PPP1R16B: variants seen among roughly 807,000 people sequenced by gnomAD.
The protein encoded by PPP1R16B is protein phosphatase 1 regulatory inhibitor subunit 16B.
PPP1R16B carries 14 observed loss-of-function variants against 61.7 expected under a neutral mutation model. The ratio of observed to expected loss-of-function variants is 0.23; its 90% CI spans 0.15 to 0.35. PPP1R16B has a LOEUF of 0.35. Among genes scored for constraint, PPP1R16B ranks in the 10% least tolerant of loss-of-function variants. The probability of loss-of-function intolerance (pLI) is 1.00; values close to 1 mark genes in which losing one functional copy is unlikely to be tolerated. For synonymous variants in PPP1R16B, 266 were observed against 305.3 expected, an observed-to-expected ratio of 0.87 and a Z score of 1.34; for missense variants, 547 against 752.5, an observed-to-expected ratio of 0.73 and a Z score of 3.19.
chr20:38,872,265 T>C (rs906689933), intron 2 of PPP1R16B, among the ~76,000 whole-genome samples: 2 of 152,058 alleles, frequency 1.3e-5, no homozygotes, highest in African/African-American at 2.4e-5. Flanking sequence ...AGACTCTGCT[T>C]GGAGGAAGGA....
chr20:38,827,289 A>C (rs1259010491), intron 1 of PPP1R16B, among the ~76,000 whole-genome samples: 1 of 152,210 alleles, frequency 6.6e-6, no homozygotes, highest in Non-Finnish European at 1.5e-5. Flanking sequence ...TGGCCCAGCC[A>C]GTTCAGACAG....
chr20:38,875,600 C>T (rs542253148), intron 2 of PPP1R16B, among the ~76,000 whole-genome samples: 2 of 152,298 alleles, frequency 1.3e-5, no homozygotes, highest in Non-Finnish European at 2.9e-5. Flanking sequence ...GCAAACAAAA[C>T]CCCCCAGCGA....
At chr20:38,810,331 G>A (rs1458668022) in intron 1 of PPP1R16B, among the ~76,000 whole-genome samples, 1 of 152,248 alleles carries the variant, frequency 6.6e-6, no homozygotes, top group Non-Finnish European at 1.5e-5. Context: ...ATCCTGCCGG[G>A]AGCCCCGAAG....
chr20:38,807,162 C>T (rs2145698807), intron 1 of PPP1R16B, among the ~76,000 whole-genome samples: 2 of 152,276 alleles, frequency 1.3e-5, no homozygotes, highest in South Asian at 2.1e-4. Flanking sequence ...TCCCTGTGTA[C>T]CCTGCCATTT....
intron 4 of PPP1R16B, among the ~76,000 whole-genome samples, chr20:38,899,377 A>G (rs1313722966): frequency 6.6e-6 from 1 of 152,186 alleles, no homozygotes; most frequent in African/African-American, 2.4e-5. Context: ...GTGGGTCCCA[A>G]AGCTGATCGG....
chr20:38,849,364 T>C (rs1193466467), intron 2 of PPP1R16B, among the ~76,000 whole-genome samples: 2 of 152,180 alleles, frequency 1.3e-5, no homozygotes, highest in Non-Finnish European at 2.9e-5. Context: ...CTATCCTCTC[T>C]CCCCTTCTCT....
At chr20:38,881,112 G>T (rs2085200612) in intron 2 of PPP1R16B, among the ~76,000 whole-genome samples, 1 of 152,232 alleles carries the variant, frequency 6.6e-6, no homozygotes, top group Non-Finnish European at 1.5e-5. Flanking sequence ...GTCCACCAGG[G>T]TGAGTCATCA....
intron 1 of PPP1R16B, among the ~76,000 whole-genome samples, chr20:38,807,568 A>G (rs1434585475): frequency 6.6e-6 from 1 of 152,008 alleles, no homozygotes; most frequent in Non-Finnish European, 1.5e-5. Flanking sequence ...GGTGGGGGCC[A>G]GCAAATCCTT....
intron 10 of PPP1R16B, among the ~76,000 whole-genome samples, chr20:38,908,683 CT>C (rs2085465968): frequency 6.6e-6 from 1 of 152,216 alleles, no homozygotes; most frequent in African/African-American, 2.4e-5. Flanking sequence ...AAGCCTGCTC[CT>C]GTAGCAGCCA....
chr20:38,878,155 C>A (rs531641848), intron 2 of PPP1R16B, among the ~76,000 whole-genome samples: 2 of 151,870 alleles, frequency 1.3e-5, no homozygotes, highest in South Asian at 2.1e-4. Flanking sequence ...TCTTTTCCAT[C>A]GATAATATGG....
chr20:38,868,256 A>G (rs2085103299), intron 2 of PPP1R16B, among the ~76,000 whole-genome samples: 1 of 152,168 alleles, frequency 6.6e-6, no homozygotes, highest in East Asian at 1.9e-4. Context: ...GTTTCACCTC[A>G]GGACCCCATG....
intron 2 of PPP1R16B, among the ~76,000 whole-genome samples, chr20:38,861,089 G>A (rs2085046902): frequency 6.6e-6 from 1 of 152,094 alleles, no homozygotes; most frequent in Non-Finnish European, 1.5e-5. Flanking sequence ...AGACATACAG[G>A]CAGCATGAGT....
chr20:38,912,503 CAAAAAA>C (rs58456397), intron 10 of PPP1R16B, among the ~76,000 whole-genome samples: 1 of 81,024 alleles, frequency 1.2e-5, no homozygotes, highest in Non-Finnish European at 2.6e-5. Flanking sequence ...TACCCCCCAC[CAAAAAA>C]AAAAAAAAAA....
chr20:38,818,512 A>G (rs2084753677), intron 1 of PPP1R16B, among the ~76,000 whole-genome samples: 1 of 152,190 alleles, frequency 6.6e-6, no homozygotes, highest in Non-Finnish European at 1.5e-5. Flanking sequence ...GCTTCCCTCC[A>G]AGGGAAATAC....
At chr20:38,914,182 C>CAAA (rs35482457) in intron 10 of PPP1R16B, among the ~76,000 whole-genome samples, 1 of 128,984 alleles carries the variant, frequency 7.8e-6, no homozygotes, top group African/African-American at 2.7e-5. Flanking sequence ...GACTCTATCT[C>CAAA]AAAAAAAAAA....
rs562472264 is a variant in PPP1R16B at position 38,822,375 on chromosome 20, T to C, written c.-101-13450T>C. On this transcript the variant is annotated intron_variant, in intron 1 of 10. Transcript: ENST00000299824. Reference sequence around the variant, plus strand: ...TTTAGCTAGTAAGTACAGCACTGACTGGGCGCTTCCCGCAAATAAAAAGCC... The same window carrying C: ...TTTAGCTAGTAAGTACAGCACTGACCGGGCGCTTCCCGCAAATAAAAAGCC... 2.0e-5 allele frequency among the ~76,000 whole-genome samples: 3 copies of C among 152,306 alleles called. No homozygotes were observed. The South Asian group carries it at 6.2e-4, about 32-fold the overall frequency.
At chr20:38,814,536 T>C (rs146089411) in intron 1 of PPP1R16B, among the ~76,000 whole-genome samples, 57 of 152,296 alleles carry the variant, frequency 3.7e-4, no homozygotes, top group African/African-American at 1.3e-3. Flanking sequence ...AGCCTCTGCT[T>C]GGCAGGTAGG....
intron 1 of PPP1R16B, among the ~76,000 whole-genome samples, chr20:38,827,784 T>C (rs930402185): frequency 1.2e-5 from 1 of 84,386 alleles, no homozygotes; most frequent in Non-Finnish European, 2.4e-5. Flanking sequence ...TAAAGCATCT[T>C]TATGCTGGAA....
intron 1 of PPP1R16B, among the ~76,000 whole-genome samples, chr20:38,814,048 C>T (rs372747342): frequency 8.5e-5 from 13 of 152,088 alleles, no homozygotes; most frequent in African/African-American, 2.4e-4. Flanking sequence ...CCACCCGGCT[C>T]GGCCTCCCAG....
Sources: gnomAD v4.1 joint callset for allele counts (sites outside exome capture counted in the v4.1 genomes callset) on GRCh38, gnomAD v4.1.1 for gene constraint, MANE v1.5 for transcripts, NCBI Gene and HGNC (gene_info 2026-07-23, HGNC 2026-07-21) for gene names.